BCAR3: variants seen among roughly 807,000 people sequenced by gnomAD.
BCAR3 encodes the protein breast cancer anti-estrogen resistance protein 3.
In BCAR3, 37 loss-of-function variants were observed where a neutral mutation model predicts 80.1. The observed-to-expected ratio is 0.46, with a 90% CI of 0.36 to 0.61. The LOEUF is 0.61. Ranked by LOEUF, BCAR3 falls within the 20% of genes least tolerant of loss-of-function variation. BCAR3 has a pLI of 0.00. For missense variants in BCAR3, 978 were observed against 1,068.2 expected (o/e 0.92, Z 1.18); for synonymous variants, 389 against 418.9 (o/e 0.93, Z 0.87).
chr1:93,680,207 A>C (rs1648684056), intron 1 of BCAR3, among the ~76,000 whole-genome samples: 1 of 152,222 alleles, frequency 6.6e-6, no homozygotes, highest in Non-Finnish European at 1.5e-5. Flanking sequence ...GATTTACCCG[A>C]TAAGGTTCTT....
chr1:93,762,919 T>A (rs373380523), intron 2 of BCAR3, among the ~76,000 whole-genome samples: 25 of 152,148 alleles, frequency 1.6e-4, no homozygotes, highest in African/African-American at 6.0e-4. Flanking sequence ...GGCTCCCCCA[T>A]CTCTTGTCAA....
rs376486019 is a variant in BCAR3, at chr1:93,674,945, A to T, written c.-11-4T>A. 35 of 1,525,210 alleles carry T rather than the reference A, an allele frequency of 2.3e-5. No individual in the cohort carries two copies. The highest frequency in any genetic ancestry group is 3.0e-5 in the Non-Finnish European group (34 of 1,141,014). 94.5% of individuals were successfully genotyped at this position (1,525,210 alleles called of 1,614,324 possible). A position where few individuals can be genotyped will look rare whatever the true frequency, so the allele number is the denominator to read the frequency against. On this transcript the variant is annotated splice_polypyrimidine_tract_variant and splice_region_variant and intron_variant, in intron 1 of 11. Transcript: ENST00000260502. ...CCTGCAGCCATAATTCTCAACTCTA[A>T]GGGGGAAAGAAAAGAGTGAAGGTAT...
rs946239846 is a variant in BCAR3 at position 93,608,634 on chromosome 1, C to T, written c.358-16241G>A. ...CTGCTTCCCACTTAGGTCTCTCCAACAAAAACAAGTTCTTGGCCAGGATCC... is the reference window on the plus strand; with the variant it reads ...CTGCTTCCCACTTAGGTCTCTCCAATAAAAACAAGTTCTTGGCCAGGATCC... On this transcript the variant is annotated intron_variant, in intron 3 of 11. Coordinates refer to ENST00000260502, the MANE Select transcript of BCAR3 (RefSeq NM_003567.4). Among the ~76,000 whole-genome samples the T allele has an allele frequency of 2.0e-5, 3 of 152,332 alleles. No homozygotes were observed. In the East Asian group the frequency reaches 5.8e-4, roughly 29 times the overall value.
chr1:93,724,200 C>T (rs760536716), intron 2 of BCAR3, among the ~76,000 whole-genome samples: 1 of 152,172 alleles, frequency 6.6e-6, no homozygotes, highest in Non-Finnish European at 1.5e-5. Context: ...GAACCGAGGC[C>T]CCCAGAGTTA....
intron 3 of BCAR3, among the ~76,000 whole-genome samples, chr1:93,694,212 C>T (rs1251511302): frequency 6.6e-6 from 1 of 152,202 alleles, no homozygotes; most frequent in Non-Finnish European, 1.5e-5. Context: ...GGGGAGCTCC[C>T]CTGGCACGTG....
At chr1:93,628,727 C>T (rs1168019022) in intron 3 of BCAR3, among the ~76,000 whole-genome samples, 3 of 152,200 alleles carry the variant, frequency 2.0e-5, no homozygotes, top group Admixed American at 1.3e-4. Context: ...AAGCACTCAT[C>T]GTCAGCTAAC....
At chr1:93,741,170 T>C (rs1651161568) in intron 2 of BCAR3, among the ~76,000 whole-genome samples, 1 of 152,210 alleles carries the variant, frequency 6.6e-6, no homozygotes, top group Non-Finnish European at 1.5e-5. Flanking sequence ...CATCAGTTAA[T>C]GGTAGGGGTT....
At chr1:93,721,029 A>T (rs1650379612) in intron 2 of BCAR3, among the ~76,000 whole-genome samples, 1 of 152,152 alleles carries the variant, frequency 6.6e-6, no homozygotes, top group Admixed American at 6.5e-5. Context: ...GGCGAGGCTG[A>T]CCCTGGGAGC....
At chr1:93,576,677 A>C (rs1673472920) in intron 7 of BCAR3, among the ~76,000 whole-genome samples, 1 of 152,254 alleles carries the variant, frequency 6.6e-6, no homozygotes, top group African/African-American at 2.4e-5. Flanking sequence ...AAATGTGTAC[A>C]GTGATTGGAA....
chr1:93,714,336 G>T (rs959963379), intron 2 of BCAR3, among the ~76,000 whole-genome samples: 4 of 152,098 alleles, frequency 2.6e-5, no homozygotes, highest in Non-Finnish European at 5.9e-5. Flanking sequence ...TTCCCATATC[G>T]CCTTCTGTCT....
At chr1:93,656,435 G>A (rs1343995141) in intron 2 of BCAR3, among the ~76,000 whole-genome samples, 2 of 151,296 alleles carry the variant, frequency 1.3e-5, no homozygotes, top group Non-Finnish European at 1.5e-5. Flanking sequence ...ATTTAACCTA[G>A]CCATTGGGTT....
At chr1:93,671,864 G>A (rs1451794090) in intron 2 of BCAR3, among the ~76,000 whole-genome samples, 1 of 151,978 alleles carries the variant, frequency 6.6e-6, no homozygotes, top group Admixed American at 6.6e-5. Context: ...CCTCAAAATT[G>A]GGAACACCTC....
intron 2 of BCAR3, among the ~76,000 whole-genome samples, chr1:93,789,948 G>A (rs946471696): frequency 2.6e-5 from 4 of 152,152 alleles, no homozygotes; most frequent in Admixed American, 1.3e-4. Context: ...CCTTTTGTAA[G>A]CCTTGGGACT....
chr1:93,786,118 G>A (rs1273704032), intron 2 of BCAR3, among the ~76,000 whole-genome samples: 2 of 116,930 alleles, frequency 1.7e-5, no homozygotes, highest in African/African-American at 4.5e-5. Flanking sequence ...GCGTGAACCC[G>A]GGAGGCGGAG....
intron 3 of BCAR3, among the ~76,000 whole-genome samples, chr1:93,695,893 C>T (rs1017170119): frequency 1.3e-5 from 2 of 152,144 alleles, no homozygotes; most frequent in East Asian, 3.8e-4. Context: ...TCTTTTGCTA[C>T]CTCTCTGACA....
chr1:93,638,985 G>C (rs1675892633), intron 3 of BCAR3, among the ~76,000 whole-genome samples: 1 of 152,148 alleles, frequency 6.6e-6, no homozygotes, highest in Non-Finnish European at 1.5e-5. Context: ...GGACTACTTT[G>C]GATCTGCAAT....
intron 3 of BCAR3, among the ~76,000 whole-genome samples, chr1:93,595,059 C>A (rs1674366717): frequency 6.6e-6 from 1 of 152,158 alleles, no homozygotes; most frequent in Non-Finnish European, 1.5e-5. Flanking sequence ...AAGAGAAGAA[C>A]AGGAAAATCC....
intron 2 of BCAR3, among the ~76,000 whole-genome samples, chr1:93,645,112 TG>T: frequency 6.6e-6 from 1 of 152,148 alleles, no homozygotes; most frequent in East Asian, 1.9e-4. Context: ...CATGGGTGAC[TG>T]GGGGCCTCGT....
intron 2 of BCAR3, among the ~76,000 whole-genome samples, chr1:93,729,895 A>T (rs1453959911): frequency 6.6e-6 from 1 of 152,218 alleles, no homozygotes; most frequent in Non-Finnish European, 1.5e-5. Flanking sequence ...ACACATTTTC[A>T]GTTTTAGCAC....
Sources: gnomAD v4.1 joint callset for allele counts (sites outside exome capture counted in the v4.1 genomes callset) on GRCh38, gnomAD v4.1.1 for gene constraint, MANE v1.5 for transcripts, NCBI Gene and HGNC (gene_info 2026-07-23, HGNC 2026-07-21) for gene names.